Variants in OSBPL1A observed in about 807,000 individuals in gnomAD.
OSBPL1A encodes the protein oxysterol binding protein like 1A, also known as oxysterol-binding protein-related protein 1.
In OSBPL1A, 80 loss-of-function variants were observed where a neutral mutation model predicts 137.1. The ratio of observed to expected loss-of-function variants is 0.58; its 90% CI spans 0.49 to 0.70. The LOEUF is 0.70. Ranked by LOEUF, OSBPL1A falls within the 30% of genes least tolerant of loss-of-function variation. The probability of loss-of-function intolerance (pLI) is 0.00; values close to 1 mark genes in which losing one functional copy is unlikely to be tolerated. For synonymous variants in OSBPL1A, 365 were observed against 389.7 expected, an observed-to-expected ratio of 0.94 and a Z score of 0.75; for missense variants, 970 against 1,129.4, an observed-to-expected ratio of 0.86 and a Z score of 2.02.
intron 11 of OSBPL1A, among the ~76,000 whole-genome samples, chr18:24,315,700 T>C (rs1342316455): frequency 8.3e-6 from 1 of 121,142 alleles, no homozygotes; most frequent in Non-Finnish European, 1.7e-5. Context: ...TTATATACTA[T>C]ATAATAAAAT....
chr18:24,346,137 G>A (rs926661719), intron 4 of OSBPL1A, among the ~76,000 whole-genome samples: 10 of 152,128 alleles, frequency 6.6e-5, no homozygotes, highest in African/African-American at 2.4e-4. Flanking sequence ...AAAGAACAAA[G>A]TTAACACAGC....
At chr18:24,260,804 C>T (rs1190721556) in intron 15 of OSBPL1A, among the ~76,000 whole-genome samples, 1 of 143,890 alleles carries the variant, frequency 6.9e-6, no homozygotes, top group Non-Finnish European at 1.5e-5. Flanking sequence ...TATGTGAATT[C>T]TATCCCATTT....
intron 4 of OSBPL1A, among the ~76,000 whole-genome samples, chr18:24,364,357 C>T (rs183708951): frequency 5.3e-5 from 8 of 152,290 alleles, no homozygotes; most frequent in African/African-American, 1.7e-4. Flanking sequence ...ACACATAGAT[C>T]CAGGGCAGAG....
intron 15 of OSBPL1A, among the ~76,000 whole-genome samples, chr18:24,264,302 G>A (rs942145274): frequency 6.6e-6 from 1 of 151,880 alleles, no homozygotes; most frequent in African/African-American, 2.4e-5. Context: ...CTCCCTCTTT[G>A]CCCTTAGCTC....
At chr18:24,325,048 T>C (rs988492825) in intron 7 of OSBPL1A, among the ~76,000 whole-genome samples, 4 of 151,728 alleles carry the variant, frequency 2.6e-5, no homozygotes, top group Non-Finnish European at 4.4e-5. Flanking sequence ...ATTGCGCCAC[T>C]GCACTCCAGC....
intron 15 of OSBPL1A, among the ~76,000 whole-genome samples, chr18:24,254,522 T>G (rs2089210027): frequency 6.6e-6 from 1 of 152,116 alleles, no homozygotes; most frequent in Non-Finnish European, 1.5e-5. Flanking sequence ...GGAATAAAAC[T>G]AGAAATCAAT....
chr18:24,190,206 C>T (rs776348850), intron 18 of OSBPL1A, among the ~76,000 whole-genome samples: 6 of 152,162 alleles, frequency 3.9e-5, no homozygotes, highest in South Asian at 2.1e-4. Context: ...CTGGATCACT[C>T]GGCATTTGTG....
chr18:24,357,462 G>T (rs771412573), intron 4 of OSBPL1A: 6 of 152,134 alleles, frequency 3.9e-5, no homozygotes, highest in Non-Finnish European at 7.3e-5. Context: ...GTAAAGATAA[G>T]CTATCACTTT....
intron 14 of OSBPL1A, among the ~76,000 whole-genome samples, chr18:24,292,871 T>A (rs2090201531): frequency 6.6e-6 from 1 of 151,954 alleles, no homozygotes; most frequent in African/African-American, 2.4e-5. Context: ...TTTGGGAGGC[T>A]GAAGTGGGTG....
intron 1 of OSBPL1A, among the ~76,000 whole-genome samples, chr18:24,397,031 CT>C (rs1396560437): frequency 6.6e-6 from 1 of 152,240 alleles, no homozygotes; most frequent in Non-Finnish European, 1.5e-5. Flanking sequence ...ACAATACCGT[CT>C]GCCTAAAAAC....
chr18:24,311,921 AG>A (rs2090625322), intron 13 of OSBPL1A, 62 bp downstream of exon 13: 3 of 1,579,124 alleles, frequency 1.9e-6, no homozygotes, highest in Non-Finnish European at 2.6e-6. Context: ...TAAAGAAAAA[AG>A]TTCTTGATTA....
At position 24,353,221 on chromosome 18, in the gene OSBPL1A, GA is replaced by G. The variant is rs2091473586; in HGVS notation, c.283-11564del. 2.0e-5 allele frequency among the ~76,000 whole-genome samples: 3 copies of G among 151,986 alleles called. No homozygotes were observed. In the South Asian group the frequency reaches 6.2e-4, roughly 32 times the overall value. Reference sequence around the variant, plus strand: ...ACAATGAACTCAAACAAATTTACAAGAAAAAAACAAACAACCCCATCAAAAA... The same window carrying G: ...ACAATGAACTCAAACAAATTTACAAGAAAAAACAAACAACCCCATCAAAAA... On this transcript the variant is annotated intron_variant, in intron 4 of 27. Coordinates refer to ENST00000319481, the MANE Select transcript of OSBPL1A (RefSeq NM_080597.4).
chr18:24,306,961 T>C (rs1252251879), intron 13 of OSBPL1A, among the ~76,000 whole-genome samples: 1 of 151,856 alleles, frequency 6.6e-6, no homozygotes, highest in African/African-American at 2.4e-5. Flanking sequence ...ACTTCAAAGA[T>C]AGCCCCATAC....
chr18:24,313,094 A>C (rs1161744566), intron 12 of OSBPL1A, among the ~76,000 whole-genome samples: 1 of 151,366 alleles, frequency 6.6e-6, no homozygotes, highest in Non-Finnish European at 1.5e-5. Flanking sequence ...AGTGCACTCC[A>C]GCTTGGGTGA....
At chr18:24,344,643 A>C (rs2146161134) in intron 4 of OSBPL1A, among the ~76,000 whole-genome samples, 1 of 152,294 alleles carries the variant, frequency 6.6e-6, no homozygotes, top group South Asian at 2.1e-4. Context: ...CCCAAGGGGC[A>C]GCTAGGGACG....
intron 16 of OSBPL1A, among the ~76,000 whole-genome samples, chr18:24,231,339 C>G (rs2088269854): frequency 6.6e-6 from 1 of 152,198 alleles, no homozygotes; most frequent in Non-Finnish European, 1.5e-5. Context: ...GGCACCCAGT[C>G]TGGAGTGCAG....
chr18:24,197,456 AAATT>A (rs2145946730), intron 17 of OSBPL1A, among the ~76,000 whole-genome samples: 1 of 152,364 alleles, frequency 6.6e-6, no homozygotes, highest in East Asian at 1.9e-4. Flanking sequence ...AAGAACCTCT[AAATT>A]AAACTAATTA....
chr18:24,353,620 T>C (rs1198868356), intron 4 of OSBPL1A, among the ~76,000 whole-genome samples: 1 of 151,100 alleles, frequency 6.6e-6, no homozygotes, highest in Non-Finnish European at 1.5e-5. Context: ...CATGCACATG[T>C]ATGTTTATTG....
intron 18 of OSBPL1A, 39 bp downstream of exon 18, chr18:24,196,086 A>G (rs746281979): frequency 5.4e-6 from 8 of 1,493,248 alleles, no homozygotes; most frequent in Non-Finnish European, 7.4e-6. Context: ...GCGATTAAAC[A>G]TATCTGCTTA....
Sources: allele counts gnomAD v4.1 joint callset (sites outside exome capture counted in the v4.1 genomes callset), GRCh38; gene constraint gnomAD v4.1.1; transcripts MANE v1.5; gene names NCBI Gene and HGNC (gene_info 2026-07-23, HGNC 2026-07-21).